PALS2: variants seen among roughly 807,000 people sequenced by gnomAD.
The protein encoded by PALS2 is protein PALS2.
Under a neutral mutation model 61.6 loss-of-function variants are expected in PALS2, and 27 were observed. The observed-to-expected ratio is 0.44, with a 90% CI of 0.32 to 0.60. PALS2 has a LOEUF of 0.60. Among genes scored for constraint, PALS2 ranks in the 20% least tolerant of loss-of-function variants. PALS2 has a pLI of 0.05. For synonymous variants in PALS2, 236 were observed against 218.6 expected, an observed-to-expected ratio of 1.08 and a Z score of -0.70; for missense variants, 554 against 639.4, an observed-to-expected ratio of 0.87 and a Z score of 1.44.
At chr7:24,591,782 T>A (rs1783297312) in intron 1 of PALS2, among the ~76,000 whole-genome samples, 1 of 152,104 alleles carries the variant, frequency 6.6e-6, no homozygotes, top group African/African-American at 2.4e-5. Context: ...TCTTTAAAGA[T>A]ACTTTATTAT....
chr7:24,642,998 A>G (rs1242230945), intron 3 of PALS2, among the ~76,000 whole-genome samples: 1 of 152,176 alleles, frequency 6.6e-6, no homozygotes, highest in Non-Finnish European at 1.5e-5. Flanking sequence ...TTATGATGGC[A>G]GTACGTATAG....
rs541142314 is a variant in PALS2 at position 24,613,749 on chromosome 7, CT to C, written c.-2-9916del. ...ATCTCTTCCTACCCCTTCTTTCCCC[CT>C]ATTCTTCCCTGCCTCTAGTAACCTC... On this transcript the variant is annotated intron_variant, in intron 1 of 11. Transcript: ENST00000222644. 7.2e-5 allele frequency among the ~76,000 whole-genome samples: 11 copies of C among 151,900 alleles called. No homozygotes were observed. In the South Asian group the frequency reaches 1.9e-3, roughly 26 times the overall value.
chr7:24,615,800 A>G (rs1205214197), intron 1 of PALS2, among the ~76,000 whole-genome samples: 1 of 152,124 alleles, frequency 6.6e-6, no homozygotes, highest in Non-Finnish European at 1.5e-5. Context: ...ACATAAATGC[A>G]AAAATCCTCA....
intron 2 of PALS2, among the ~76,000 whole-genome samples, chr7:24,633,350 G>GT (rs35300093): frequency 0.064 from 6,788 of 106,182 alleles, 291 homozygotes; most frequent in African/African-American, 0.083. Context: ...GGTTGGTGGA[G>GT]TTTTTTTTTT....
Position 24,691,021 on chromosome 7 carries a change from C to A in PALS2, c.*3407C>A, listed in dbSNP as rs957533443. The A allele has an allele frequency of 3.3e-5, 5 of 151,796 alleles. No homozygotes were observed. Among genetic ancestry groups the A allele is most frequent in the Non-Finnish European group, 7.4e-5 (5 of 67,904 alleles). 9.4% of individuals were successfully genotyped at this position (151,796 alleles called of 1,614,324 possible). ...TACTAACTGCTTTGACCATAATATC[C>A]CAATGACAATAAAAAATGATCCTTG... On this transcript the variant is annotated 3_prime_UTR_variant, in exon 12 of 12. Transcript: ENST00000222644.
chr7:24,677,527 T>C (rs969363735), intron 9 of PALS2, among the ~76,000 whole-genome samples: 34 of 152,048 alleles, frequency 2.2e-4, no homozygotes, highest in African/African-American at 8.0e-4. Context: ...ATAGCTCTTA[T>C]TATTTTGAGA....
intron 2 of PALS2, among the ~76,000 whole-genome samples, chr7:24,635,284 C>T (rs866342144): frequency 2.5e-4 from 38 of 152,172 alleles, no homozygotes; most frequent in Middle Eastern, 3.4e-3. Context: ...TAGTTATACT[C>T]CTAGGTATTT....
intron 2 of PALS2, among the ~76,000 whole-genome samples, chr7:24,639,556 A>G (rs1314978460): frequency 1.1e-4 from 16 of 152,134 alleles, no homozygotes; most frequent in Admixed American, 1.0e-3. Flanking sequence ...TTGGAGTATT[A>G]CAAGGTTAAA....
intron 1 of PALS2, among the ~76,000 whole-genome samples, chr7:24,605,244 T>G (rs1329817029): frequency 6.6e-6 from 1 of 152,186 alleles, no homozygotes; most frequent in Non-Finnish European, 1.5e-5. Flanking sequence ...GGCAATATTG[T>G]TTCTAATGAT....
intron 8 of PALS2, chr7:24,667,111 A>T (rs1161178836): frequency 6.6e-6 from 1 of 152,202 alleles, no homozygotes; most frequent in Non-Finnish European, 1.5e-5. Flanking sequence ...TTAGGATAAT[A>T]AGCTAAGGAA....
At chr7:24,656,226 A>G (rs949900862) in intron 5 of PALS2, among the ~76,000 whole-genome samples, 5 of 152,196 alleles carry the variant, frequency 3.3e-5, no homozygotes, top group Admixed American at 6.5e-5. Flanking sequence ...CAAATGAATT[A>G]CTAGCCACCT....
At chr7:24,640,212 T>C (rs1785452991) in intron 2 of PALS2, among the ~76,000 whole-genome samples, 2 of 152,150 alleles carry the variant, frequency 1.3e-5, no homozygotes, top group Non-Finnish European at 2.9e-5. Flanking sequence ...TTTTTTCTTC[T>C]TTCTCGGTAT....
At chr7:24,619,624 A>C (rs1784417272) in intron 1 of PALS2, among the ~76,000 whole-genome samples, 1 of 151,460 alleles carries the variant, frequency 6.6e-6, no homozygotes, top group Admixed American at 6.6e-5. Context: ...AGGCTGAGGC[A>C]GGAGAATGGC....
intron 1 of PALS2, among the ~76,000 whole-genome samples, chr7:24,603,306 A>G (rs1783782607): frequency 1.3e-5 from 2 of 152,232 alleles, no homozygotes; most frequent in Admixed American, 6.5e-5. Flanking sequence ...GATTCAGGCT[A>G]GGGAAGAAAG....
intron 5 of PALS2, among the ~76,000 whole-genome samples, chr7:24,660,702 A>T (rs1786672699): frequency 6.6e-6 from 1 of 151,630 alleles, no homozygotes; most frequent in South Asian, 2.1e-4. Context: ...GTCATTTTGG[A>T]TGTATCTGCA....
chr7:24,621,881 A>G (rs1018248793), intron 1 of PALS2, among the ~76,000 whole-genome samples: 3 of 152,074 alleles, frequency 2.0e-5, no homozygotes, highest in Non-Finnish European at 4.4e-5. Flanking sequence ...GGAGGGGTCT[A>G]GCGTCACTCT....
chr7:24,682,869 C>A (rs898713294), intron 11 of PALS2, among the ~76,000 whole-genome samples: 10 of 151,600 alleles, frequency 6.6e-5, no homozygotes, highest in Non-Finnish European at 1.2e-4. Context: ...CCCATTGTAT[C>A]ATTTTCCTCT....
rs769732839 is a variant in PALS2, at chr7:24,688,874, C to T, written c.*1260C>T. 1.6e-4 allele frequency: 24 copies of T among 152,024 alleles called. No individual in the cohort carries two copies. The highest frequency in any genetic ancestry group is 5.1e-4 in the African/African-American group (21 of 41,494). The allele number at this position is 152,024 out of a possible 1,614,324, so 9.4% of individuals were successfully genotyped here. On this transcript the variant is annotated 3_prime_UTR_variant, in exon 12 of 12. Coordinates refer to ENST00000222644, the MANE Select transcript of PALS2 (RefSeq NM_001303037.2). ...TGTCACCCATGCTGGAGTACAGTGG[C>T]GCGATCTCAGCCCGCTGCAACCTCT...
At chr7:24,602,156 G>T (rs1783742259) in intron 1 of PALS2, among the ~76,000 whole-genome samples, 1 of 151,796 alleles carries the variant, frequency 6.6e-6, no homozygotes, top group Non-Finnish European at 1.5e-5. Context: ...GATTTCCATT[G>T]AATTTTTTCT....
Sources: gnomAD v4.1 joint callset for allele counts (sites outside exome capture counted in the v4.1 genomes callset) on GRCh38, gnomAD v4.1.1 for gene constraint, MANE v1.5 for transcripts, NCBI Gene and HGNC (gene_info 2026-07-23, HGNC 2026-07-21) for gene names.